Variants in DLGAP2 observed in about 807,000 individuals in gnomAD.
The protein encoded by DLGAP2 is disks large-associated protein 2.
Under a neutral mutation model 100.3 loss-of-function variants are expected in DLGAP2, and 26 were observed. The observed-to-expected ratio is 0.26, with a 90% CI of 0.19 to 0.36. DLGAP2 has a LOEUF of 0.36. Among genes scored for constraint, DLGAP2 ranks in the 10% least tolerant of loss-of-function variants. The pLI is 1.00. For missense variants in DLGAP2, 1,858 were observed against 1,453.2 expected (o/e 1.28, Z -4.53); for synonymous variants, 886 against 630.1 (o/e 1.41, Z -6.08).
intron 2 of DLGAP2, among the ~76,000 whole-genome samples, chr8:974,031 C>G (rs1021206241): frequency 6.6e-6 from 1 of 151,562 alleles, no homozygotes; most frequent in African/African-American, 2.4e-5. Flanking sequence ...AGGAGAAATA[C>G]AAAAGAAGTA....
At chr8:1,203,167 A>G (rs980402971) in intron 2 of DLGAP2, among the ~76,000 whole-genome samples, 4 of 152,168 alleles carry the variant, frequency 2.6e-5, no homozygotes, top group African/African-American at 7.2e-5. Flanking sequence ...TGTTATTCCT[A>G]TTAACACGAT....
chr8:1,137,406 G>C (rs61188389), intron 2 of DLGAP2: 1 of 152,746 alleles, frequency 6.5e-6, no homozygotes, highest in South Asian at 2.1e-4. Context: ...GCCCCGAGCT[G>C]ATGTCCCGCT....
At chr8:1,068,009 C>T (rs912081944) in intron 2 of DLGAP2, among the ~76,000 whole-genome samples, 1 of 152,216 alleles carries the variant, frequency 6.6e-6, no homozygotes, top group African/African-American at 2.4e-5. Context: ...TTGACTATCT[C>T]TATAGTTTTG....
intron 6 of DLGAP2, among the ~76,000 whole-genome samples, chr8:1,598,411 A>G (rs1313347549): frequency 1.3e-5 from 2 of 152,074 alleles, no homozygotes; most frequent in Non-Finnish European, 2.9e-5. Context: ...GTCTTTTTCT[A>G]TTGTTTGGAA....
chr8:1,689,429 C>T (rs960340504), intron 12 of DLGAP2, among the ~76,000 whole-genome samples: 1 of 152,186 alleles, frequency 6.6e-6, no homozygotes, highest in African/African-American at 2.4e-5. Context: ...GGGGATGGAT[C>T]TCTCGCCTCT....
intron 2 of DLGAP2, among the ~76,000 whole-genome samples, chr8:1,206,491 G>A (rs895676859): frequency 6.0e-5 from 9 of 151,174 alleles, no homozygotes; most frequent in Non-Finnish European, 7.4e-5. Flanking sequence ...TCCGTGGGCG[G>A]GGGTAGACTG....
rs1414249643 is a variant in DLGAP2 at position 1,557,234 on chromosome 8, G to C, written c.1230+7551G>C. 2.0e-5 allele frequency among the ~76,000 whole-genome samples: 3 copies of C among 152,186 alleles called. No individual in the cohort carries two copies. The East Asian group carries it at 5.8e-4, about 29-fold the overall frequency. On this transcript the variant is annotated intron_variant, in intron 5 of 14. Coordinates refer to ENST00000637795, the MANE Select transcript of DLGAP2 (RefSeq NM_001346810.2). ...TGCTGGTGTCATCCAAAGAGCGTGA[G>C]CTTTAGAACAAGACAGACGCGTGGA... is the stretch of plus-strand genomic sequence containing the variant.
At chr8:1,102,286 T>C (rs1281798030) in intron 2 of DLGAP2, among the ~76,000 whole-genome samples, 2 of 147,606 alleles carry the variant, frequency 1.4e-5, no homozygotes, top group Admixed American at 6.8e-5. Context: ...ATATATAATA[T>C]AAAAATTACA....
At chr8:1,383,960 A>C (rs2129777730) in intron 3 of DLGAP2, among the ~76,000 whole-genome samples, 1 of 152,256 alleles carries the variant, frequency 6.6e-6, no homozygotes, top group Admixed American at 6.5e-5. Flanking sequence ...CATGAAGGAG[A>C]CCCACAAATG....
At chr8:1,585,294 CTG>C (rs1796081896) in intron 6 of DLGAP2, among the ~76,000 whole-genome samples, 1 of 152,154 alleles carries the variant, frequency 6.6e-6, no homozygotes, top group South Asian at 2.1e-4. Context: ...AAAACCCTGT[CTG>C]TACTAAAAAT....
intron 3 of DLGAP2, among the ~76,000 whole-genome samples, chr8:1,352,928 C>G (rs1801768777): frequency 6.6e-6 from 1 of 152,168 alleles, no homozygotes; most frequent in Non-Finnish European, 1.5e-5. Flanking sequence ...CTCAGCCTGC[C>G]ATTGGGGTGC....
chr8:1,366,996 T>C (rs1189946366), intron 3 of DLGAP2, among the ~76,000 whole-genome samples: 1 of 151,980 alleles, frequency 6.6e-6, no homozygotes, highest in African/African-American at 2.4e-5. Context: ...CCCCGGTAAA[T>C]AACAGTGTTA....
At chr8:1,431,844 A>C (rs970924095) in intron 3 of DLGAP2, among the ~76,000 whole-genome samples, 9 of 152,158 alleles carry the variant, frequency 5.9e-5, no homozygotes, top group African/African-American at 2.2e-4. Flanking sequence ...GATGGCCACC[A>C]AGCCCTGAGA....
chr8:1,161,538 G>C (rs1796889429), intron 2 of DLGAP2, among the ~76,000 whole-genome samples: 1 of 152,344 alleles, frequency 6.6e-6, no homozygotes, highest in South Asian at 2.1e-4. Context: ...CCTCCTAGCA[G>C]ACACACACTC....
chr8:1,287,011 G>A (rs11775046), intron 3 of DLGAP2, among the ~76,000 whole-genome samples: 3 of 152,332 alleles, frequency 2.0e-5, no homozygotes, highest in Admixed American at 1.3e-4. Context: ...GTTTTATAAC[G>A]TGAACCAGCT....
chr8:1,500,960 C>G (rs1255804366), intron 3 of DLGAP2, among the ~76,000 whole-genome samples: 1 of 152,206 alleles, frequency 6.6e-6, no homozygotes, highest in Non-Finnish European at 1.5e-5. Context: ...AAGTCTTTCT[C>G]ATGGGCGATG....
intron 2 of DLGAP2, among the ~76,000 whole-genome samples, chr8:1,033,458 G>C (rs75897460): frequency 6.6e-6 from 1 of 152,094 alleles, no homozygotes; most frequent in African/African-American, 2.4e-5. Flanking sequence ...CCTCAGCTGA[G>C]GAGTTCAAGA....
chr8:964,190 AC>A (rs1799791981), intron 2 of DLGAP2, among the ~76,000 whole-genome samples: 1 of 152,128 alleles, frequency 6.6e-6, no homozygotes, highest in Non-Finnish European at 1.5e-5. Context: ...AAATTTTTGA[AC>A]CTATCTGACG....
intron 1 of DLGAP2, among the ~76,000 whole-genome samples, chr8:795,665 G>A (rs1383322039): frequency 1.8e-4 from 22 of 124,794 alleles, no homozygotes; most frequent in African/African-American, 5.9e-4. Flanking sequence ...AGTGAGAGCA[G>A]GTGTCCAGTG....
Sources: gnomAD v4.1 joint callset for allele counts (sites outside exome capture counted in the v4.1 genomes callset) on GRCh38, gnomAD v4.1.1 for gene constraint, MANE v1.5 for transcripts, NCBI Gene and HGNC (gene_info 2026-07-23, HGNC 2026-07-21) for gene names.